The following A2M variants were observed in gnomAD, a reference collection of about 807,000 sequenced individuals.
A2M encodes C3 and PZP-like alpha-2-macroglobulin domain-containing protein 5.
In A2M, 128 loss-of-function variants were observed where a neutral mutation model predicts 183.9. The observed-to-expected ratio is 0.70, with a 90% CI of 0.60 to 0.81. A2M has a LOEUF of 0.81. Among genes scored for constraint, A2M ranks in the 30% least tolerant of loss-of-function variants. The pLI is 0.00. For synonymous variants in A2M, 592 were observed against 670.8 expected, an observed-to-expected ratio of 0.88 and a Z score of 1.81; for missense variants, 1,495 against 1,787.6, an observed-to-expected ratio of 0.84 and a Z score of 2.95.
Position 9,093,513 on chromosome 12 carries a change from A to T in A2M, c.2192T>A (p.Val731Glu), listed in dbSNP as rs753266230. 1 of 1,613,956 alleles carries T rather than the reference A, an allele frequency of 6.2e-7. No individual in the cohort carries two copies. The highest frequency in any genetic ancestry group is 8.5e-7 in the Non-Finnish European group (1 of 1,179,848). ...VHVEEPHTET[V>E]RKYFPETWIW... is the part of the protein sequence containing the mutation. Reference sequence around the variant, plus strand: ...CCATGTCTCAGGGAAGTACTTTCGTACGGTCTCCGTGTGAGGCTCTTCAAC... The same window carrying T: ...CCATGTCTCAGGGAAGTACTTTCGTTCGGTCTCCGTGTGAGGCTCTTCAAC... Residue 731 changes from valine to glutamate, a missense_variant, in exon 18 of 36, where the codon GTA (valine) becomes GAA (glutamate). Coordinates refer to ENST00000318602, the MANE Select transcript of A2M (RefSeq NM_000014.6).
At chr12:9,091,852 T>C (rs1416652521) in intron 18 of A2M, among the ~76,000 whole-genome samples, 1 of 152,204 alleles carries the variant, frequency 6.6e-6, no homozygotes, top group African/African-American at 2.4e-5. Context: ...CTTGGTTGTA[T>C]TAGGTCCTTA....
chr12:9,069,538 A>G (rs1280936474), intron 33 of A2M, among the ~76,000 whole-genome samples: 1 of 152,220 alleles, frequency 6.6e-6, no homozygotes, highest in Non-Finnish European at 1.5e-5. Flanking sequence ...GAATATTCAT[A>G]TCCCAAGATC....
In A2M at chr12:9,115,860, G is replaced by A; in HGVS notation, c.-11C>T. 6.2e-7 allele frequency: 1 copy of A among 1,610,124 alleles called. No homozygotes were observed. Reference sequence around the variant, plus strand: ...TTTGTTCTTCCCCATGTTGCAGAAAGAAGGAGCTGGAGGAGAACAGACTGT... The same window carrying A: ...TTTGTTCTTCCCCATGTTGCAGAAAAAAGGAGCTGGAGGAGAACAGACTGT... On this transcript the variant is annotated 5_prime_UTR_variant, in exon 1 of 36. Transcript: ENST00000318602.
chr12:9,077,607 G>A (rs1014697148), intron 26 of A2M, 94 bp downstream of exon 26: 2 of 1,550,430 alleles, frequency 1.3e-6, no homozygotes, highest in East Asian at 2.3e-5. Flanking sequence ...TTCCTCTGAG[G>A]CTTTCCCTTA....
intron 4 of A2M, chr12:9,111,940 T>A (rs939182870): frequency 2.8e-6 from 2 of 708,620 alleles, no homozygotes; most frequent in Non-Finnish European, 5.3e-6. Context: ...AATTTAATTG[T>A]GTGACAACTG....
intron 4 of A2M, among the ~76,000 whole-genome samples, chr12:9,111,698 T>A (rs761130160): frequency 6.6e-6 from 1 of 152,304 alleles, no homozygotes; most frequent in East Asian, 1.9e-4. Flanking sequence ...TTTGGGTTGA[T>A]GTCTGCATTA....
chr12:9,104,796 T>C (rs1216646055), intron 10 of A2M, among the ~76,000 whole-genome samples: 1 of 152,194 alleles, frequency 6.6e-6, no homozygotes, highest in Non-Finnish European at 1.5e-5. Context: ...ATGAAATATT[T>C]TAATCTATTA....
chr12:9,094,889 A>T, intron 17 of A2M, 84 bp downstream of exon 17: 1 of 670,032 alleles, frequency 1.5e-6, no homozygotes, highest in Non-Finnish European at 2.3e-6. Flanking sequence ...TTTGTTTGTT[A>T]ATTTTTGTCA....
At chr12:9,113,247 G>T in intron 2 of A2M, 113 bp downstream of exon 2, 1 of 1,079,094 alleles carries the variant, frequency 9.3e-7, no homozygotes, top group Non-Finnish European at 1.3e-6. Flanking sequence ...GCTACATTTG[G>T]ATTCCTTCCT....
In A2M at chr12:9,103,546, A is replaced by G. The variant is rs752220007; in HGVS notation, c.1266+693T>C. Among the ~76,000 whole-genome samples the G allele has an allele frequency of 4.6e-5, 7 of 152,102 alleles. 1 individual carries two copies. Among genetic ancestry groups the G allele is most frequent in the Non-Finnish European group, 7.4e-5 (5 of 68,002 alleles). On this transcript the variant is annotated intron_variant, in intron 11 of 35. Transcript: ENST00000318602. ...TCATCTTGTAAAACTAAACCTGAATACCAATAAGAGGAATTCCCCATTTCT... is the reference window on the plus strand; with the variant it reads ...TCATCTTGTAAAACTAAACCTGAATGCCAATAAGAGGAATTCCCCATTTCT...
At chr12:9,083,630 G>A (rs543405372) in intron 22 of A2M, among the ~76,000 whole-genome samples, 5 of 151,358 alleles carry the variant, frequency 3.3e-5, no homozygotes, top group Admixed American at 3.3e-4. Flanking sequence ...AATGAAGAAA[G>A]CCTATGGAAA....
At chr12:9,100,427 CTTAT>C (rs376019530) in intron 13 of A2M, among the ~76,000 whole-genome samples, 161 of 151,632 alleles carry the variant, frequency 1.1e-3, no homozygotes, top group South Asian at 4.4e-3. Flanking sequence ...CCCCTTTGTT[CTTAT>C]TTATTTATTT....
At chr12:9,096,627 G>C (rs1368449036) in intron 15 of A2M, among the ~76,000 whole-genome samples, 1 of 152,202 alleles carries the variant, frequency 6.6e-6, no homozygotes, top group Non-Finnish European at 1.5e-5. Flanking sequence ...AAGTAAGACA[G>C]ACATAAAAAT....
chr12:9,077,502 G>T lies in A2M; in HGVS notation c.3277-82C>A, dbSNP rs375632917. On this transcript the variant is annotated intron_variant, in intron 26 of 35. Coordinates refer to ENST00000318602, the MANE Select transcript of A2M (RefSeq NM_000014.6). ...GTTCTTTCTATTCTGCTGTGTCATGGAATTCATCCTTACCCATATCCATCC... is the reference window on the plus strand; with the variant it reads ...GTTCTTTCTATTCTGCTGTGTCATGTAATTCATCCTTACCCATATCCATCC... 4,333 of 1,485,862 alleles carry T rather than the reference G, an allele frequency of 2.9e-3. 169 individuals are homozygous for T. The South Asian group carries it at 0.049, about 17-fold the overall frequency. The allele number at this position is 1,485,862 out of a possible 1,614,324, so 92.0% of individuals were successfully genotyped here.
chr12:9,093,698 G>A (rs1592364904), intron 17 of A2M, 119 bp from the exon 18 acceptor site: 2 of 579,868 alleles, frequency 3.4e-6, no homozygotes, highest in Non-Finnish European at 5.6e-6. Flanking sequence ...AAATAGAGAG[G>A]AAGGAGGAGA....
Position 9,094,972 on chromosome 12 carries a change from C to A in A2M, c.2125+1G>T, listed in dbSNP as rs929239299. 6.7e-7 allele frequency: 1 copy of A among 1,494,880 alleles called. No homozygotes were observed. The highest frequency in any genetic ancestry group is 1.4e-5 in the African/African-American group (1 of 71,228). 92.6% of individuals were successfully genotyped at this position (1,494,880 alleles called of 1,614,324 possible). ...TATATATTTATTAATTTTTTGTTTA[C>A]CATAAAAACCTACACGTAGACCTTC... is the stretch of plus-strand genomic sequence containing the variant. On this transcript the variant is annotated splice_donor_variant, in intron 17 of 35. Transcript: ENST00000318602. LOFTEE classifies it high-confidence loss of function.
intron 2 of A2M, 28 bp downstream of exon 2, chr12:9,113,332 G>A (rs750078486): frequency 1.4e-5 from 23 of 1,609,158 alleles, no homozygotes. Context: ...AAAGAACCAA[G>A]TATATTAAGT....
chr12:9,115,186 C>G (rs1939030249), intron 1 of A2M: 1 of 152,854 alleles, frequency 6.5e-6, no homozygotes, highest in African/African-American at 2.4e-5. Context: ...AGAATCCCTT[C>G]TCATCACTCA....
chr12:9,107,959 GAAAC>G (rs944852751), intron 7 of A2M, among the ~76,000 whole-genome samples: 4 of 150,658 alleles, frequency 2.7e-5, no homozygotes, highest in African/African-American at 4.9e-5. Flanking sequence ...CCAGCAAGAC[GAAAC>G]AAACAAAACA....
Sources: gnomAD v4.1 joint callset for allele counts (sites outside exome capture counted in the v4.1 genomes callset) on GRCh38, gnomAD v4.1.1 for gene constraint, MANE v1.5 for transcripts, NCBI Gene and HGNC (gene_info 2026-07-23, HGNC 2026-07-21) for gene names.